The following KLHL13 variants were observed in gnomAD, a reference collection of about 807,000 sequenced individuals.
KLHL13 encodes the protein kelch like family member 13.
In KLHL13, 10 loss-of-function variants were observed where a neutral mutation model predicts 37.1. The ratio of observed to expected loss-of-function variants is 0.27; its 90% CI spans 0.17 to 0.46. KLHL13 has a LOEUF of 0.46. Ranked by LOEUF, KLHL13 falls within the 20% of genes least tolerant of loss-of-function variation. The pLI, the probability that KLHL13 is intolerant of heterozygous loss-of-function variation, is 1.00. For missense variants in KLHL13, 360 were observed against 509.3 expected, an observed-to-expected ratio of 0.71 and a Z score of 2.82; for synonymous variants, 163 against 181.2, an observed-to-expected ratio of 0.90 and a Z score of 0.81.
chrX:118,063,029 C>G (rs1443950725), intron 1 of KLHL13, among the ~76,000 whole-genome samples: 1 of 111,719 alleles, frequency 9.0e-6, no homozygotes, highest in African/African-American at 3.2e-5. Flanking sequence ...ATATGCAAAA[C>G]TGACTGCCGG....
At chrX:118,064,213 G>A (rs929810178) in intron 1 of KLHL13, among the ~76,000 whole-genome samples, 3 of 111,365 alleles carry the variant, frequency 2.7e-5, no homozygotes, top group African/African-American at 9.7e-5. Flanking sequence ...AATTTCTAAA[G>A]CATATATATT....
intron 1 of KLHL13, among the ~76,000 whole-genome samples, chrX:117,986,093 G>A (rs1340829981): frequency 1.8e-5 from 2 of 111,515 alleles, no homozygotes; most frequent in East Asian, 2.8e-4. Flanking sequence ...ACAATCCCTG[G>A]CCCTCAGGAA....
At chrX:118,012,405 T>C (rs1301848828) in intron 1 of KLHL13, among the ~76,000 whole-genome samples, 1 of 110,520 alleles carries the variant, frequency 9.0e-6, no homozygotes, top group Admixed American at 9.7e-5. Flanking sequence ...CCCCAGATTC[T>C]AGAGGCTACC....
chrX:118,054,670 A>T (rs2054666689), intron 1 of KLHL13, among the ~76,000 whole-genome samples: 1 of 112,059 alleles, frequency 8.9e-6, no homozygotes, highest in African/African-American at 3.2e-5. Flanking sequence ...ATATGAATTA[A>T]GAACCCTCTT....
intron 1 of KLHL13, among the ~76,000 whole-genome samples, chrX:118,090,052 G>C (rs1446862033): frequency 1.1e-5 from 1 of 93,184 alleles, no homozygotes; most frequent in Non-Finnish European, 2.1e-5. Flanking sequence ...CTTCACTCCA[G>C]CCTGGGCAAC....
intron 1 of KLHL13, among the ~76,000 whole-genome samples, chrX:118,096,102 G>A (rs1363284044): frequency 1.8e-5 from 2 of 111,832 alleles, no homozygotes; most frequent in Non-Finnish European, 3.8e-5. Context: ...AGGAAATACA[G>A]ACACAAAAAA....
At position 117,901,960 on chromosome X, in the gene KLHL13, AAAG is replaced by A; in HGVS notation, c.1367-17_1367-15del. ...ATTCTACTGTGGCTGTTAAAAAAAA[AAAG>A]AAAAGAAAATTATTTTTAACTTCAA... On this transcript the variant is annotated splice_polypyrimidine_tract_variant and intron_variant, in intron 5 of 6. Transcript: ENST00000262820. 2 of 912,929 alleles carry A rather than the reference AAAG, an allele frequency of 2.2e-6. No homozygotes were observed. The highest frequency in any genetic ancestry group is 2.0e-5 in the African/African-American group (1 of 50,414). The allele number at this position is 912,929 out of a possible 1,213,427, so 75.2% of individuals were successfully genotyped here. A position where few individuals can be genotyped will look rare whatever the true frequency, so the allele number is the denominator to read the frequency against.
At chrX:117,940,982 T>C (rs766527107) in intron 2 of KLHL13, among the ~76,000 whole-genome samples, 54 of 112,158 alleles carry the variant, frequency 4.8e-4, no homozygotes, top group Non-Finnish European at 6.6e-4. Context: ...AATACTATGA[T>C]GAATAGGAGT....
intron 1 of KLHL13, among the ~76,000 whole-genome samples, chrX:118,115,217 A>T (rs139779954): frequency 0.018 from 2,025 of 112,635 alleles, 40 homozygotes; most frequent in African/African-American, 0.061. Context: ...GATACAGTCT[A>T]TTTCCAAAAA....
chrX:117,931,879 A>G (rs1932470893), intron 2 of KLHL13, among the ~76,000 whole-genome samples: 1 of 111,375 alleles, frequency 9.0e-6, no homozygotes, highest in Non-Finnish European at 1.9e-5. Flanking sequence ...TTTTTCAAGT[A>G]TCAATGAGGA....
chrX:117,959,974 T>A (rs930166672), intron 1 of KLHL13, among the ~76,000 whole-genome samples: 1 of 111,424 alleles, frequency 9.0e-6, no homozygotes, highest in Non-Finnish European at 1.9e-5. Context: ...ATTGCCCACA[T>A]ACACTCAACT....
intron 4 of KLHL13, among the ~76,000 whole-genome samples, chrX:117,911,674 T>C (rs1930995239): frequency 9.0e-6 from 1 of 111,703 alleles, no homozygotes; most frequent in African/African-American, 3.3e-5. Context: ...CCTGTGTTAG[T>C]TTGCTGAGAA....
chrX:117,947,100 TA>T (rs1176280803), intron 1 of KLHL13: 7 of 111,988 alleles, frequency 6.3e-5, no homozygotes, highest in Non-Finnish European at 1.1e-4. Context: ...GAGATAGCTT[TA>T]AAGAGAATTA....
At chrX:118,039,273 A>C (rs1229023723) in intron 1 of KLHL13, among the ~76,000 whole-genome samples, 1 of 112,004 alleles carries the variant, frequency 8.9e-6, no homozygotes, top group Non-Finnish European at 1.9e-5. Context: ...TAAAGGACCA[A>C]GCAGGCTCCT....
At chrX:117,911,724 T>G (rs1423800729) in intron 4 of KLHL13, among the ~76,000 whole-genome samples, 1 of 112,039 alleles carries the variant, frequency 8.9e-6, no homozygotes, top group African/African-American at 3.2e-5. Context: ...ACAAAGGATA[T>G]GAACTCATCC....
chrX:117,906,642 G>T (rs1930560788), intron 5 of KLHL13, among the ~76,000 whole-genome samples: 1 of 110,950 alleles, frequency 9.0e-6, no homozygotes, highest in South Asian at 3.8e-4. Context: ...CACTTACTAA[G>T]TCAATCACAA....
intron 1 of KLHL13, among the ~76,000 whole-genome samples, chrX:118,089,610 GAGAAAGAAAGAGAAAGAAAGAA>G (rs1374089794): frequency 2.8e-4 from 16 of 57,551 alleles, no homozygotes; most frequent in African/African-American, 1.2e-3. Context: ...GAGAGAGAGA[GAGAAAGAAAGAGAAAGAAAGAA>G]AGAAAGAAAG....
At chrX:118,008,271 C>A (rs2054010198) in intron 1 of KLHL13, among the ~76,000 whole-genome samples, 1 of 111,869 alleles carries the variant, frequency 8.9e-6, no homozygotes, top group Admixed American at 9.5e-5. Flanking sequence ...GGGAAGTGAA[C>A]ATCTGTTAAA....
At chrX:117,963,567 C>A (rs943747083) in intron 1 of KLHL13, among the ~76,000 whole-genome samples, 3 of 106,427 alleles carry the variant, frequency 2.8e-5, no homozygotes, top group Admixed American at 1.0e-4. Flanking sequence ...ATTTATAGTC[C>A]TTTGGGTATA....
Sources: gnomAD v4.1 joint callset for allele counts (sites outside exome capture counted in the v4.1 genomes callset) on GRCh38, gnomAD v4.1.1 for gene constraint, MANE v1.5 for transcripts, NCBI Gene and HGNC (gene_info 2026-07-23, HGNC 2026-07-21) for gene names.